The following DCC variants were observed in gnomAD, a reference collection of about 807,000 sequenced individuals.
The protein encoded by DCC is DCC netrin 1 receptor, also known as netrin receptor DCC.
A neutral mutation model predicts 172.5 loss-of-function variants in DCC; 58 were observed. That is an observed-to-expected ratio of 0.34 (90% CI 0.27 to 0.42). The LOEUF (loss-of-function observed/expected upper bound fraction) is 0.42, where lower values mean the gene tolerates loss of function less well. Ranked by LOEUF, DCC falls within the 10% of genes least tolerant of loss-of-function variation. The probability of loss-of-function intolerance (pLI) is 1.00; values close to 1 mark genes in which losing one functional copy is unlikely to be tolerated. For missense variants in DCC, 1,740 were observed against 1,791.0 expected, an observed-to-expected ratio of 0.97 and a Z score of 0.51; for synonymous variants, 709 against 644.5, an observed-to-expected ratio of 1.10 and a Z score of -1.52.
rs1319541984 is a variant in DCC, at chr18:52,927,108, C to T, written c.985+1738C>T. ...ATACACGTATATACGTGTATATACA[C>T]GTATATACGTGTATATACACGTATA... On this transcript the variant is annotated intron_variant, in intron 5 of 28. Transcript: ENST00000442544. 1.2e-4 allele frequency among the ~76,000 whole-genome samples: 13 copies of T among 104,882 alleles called. 5 individuals carry two copies. Among genetic ancestry groups the T allele is most frequent in the South Asian group, 6.7e-4 (2 of 2,996 alleles). 68.8% of individuals were successfully genotyped at this position (104,882 alleles called of 152,430 possible).
intron 12 of DCC, among the ~76,000 whole-genome samples, chr18:53,256,577 GT>G (rs2056519587): frequency 6.6e-6 from 1 of 152,076 alleles, no homozygotes; most frequent in Non-Finnish European, 1.5e-5. Flanking sequence ...CTATATCTCT[GT>G]TTTGGTACCA....
chr18:53,339,681 A>G (rs1466122333), intron 14 of DCC, 32 bp from the exon 15 acceptor site: 2 of 1,559,130 alleles, frequency 1.3e-6, no homozygotes, highest in Non-Finnish European at 1.8e-6. Context: ...CTGTTATGAG[A>G]CATGCTGATG....
intron 3 of DCC, among the ~76,000 whole-genome samples, chr18:52,922,419 C>G (rs2040140639): frequency 6.6e-6 from 1 of 152,110 alleles, no homozygotes; most frequent in South Asian, 2.1e-4. Context: ...ACTTTATATT[C>G]TCTTTGACCA....
chr18:53,084,668 A>G (rs1480044512), intron 7 of DCC, among the ~76,000 whole-genome samples: 5 of 152,184 alleles, frequency 3.3e-5, no homozygotes, highest in Non-Finnish European at 1.5e-5. Context: ...TAAGTAGGAA[A>G]AGGCAAGGAG....
chr18:53,194,907 A>C (rs2055421546), intron 9 of DCC, among the ~76,000 whole-genome samples: 1 of 152,252 alleles, frequency 6.6e-6, no homozygotes, highest in Admixed American at 6.5e-5. Flanking sequence ...ACAGTTAAGA[A>C]GATTAAATAC....
chr18:53,363,529 G>A (rs764829902), intron 15 of DCC, among the ~76,000 whole-genome samples: 2 of 152,058 alleles, frequency 1.3e-5, no homozygotes, highest in African/African-American at 2.4e-5. Context: ...TGGGAGCTGC[G>A]TTCTTTTATA....
At chr18:53,149,490 TA>T (rs2043967306) in intron 7 of DCC, among the ~76,000 whole-genome samples, 1 of 152,206 alleles carries the variant, frequency 6.6e-6, no homozygotes, top group Non-Finnish European at 1.5e-5. Flanking sequence ...TGCAGTTCGC[TA>T]GTCAAATCTA....
intron 1 of DCC, among the ~76,000 whole-genome samples, chr18:52,412,496 G>T (rs1412817123): frequency 6.6e-6 from 1 of 151,922 alleles, no homozygotes; most frequent in Non-Finnish European, 1.5e-5. Flanking sequence ...ATTTATATAG[G>T]CATGTATTTA....
At position 52,378,385 on chromosome 18, in the gene DCC, C is replaced by T. The variant is rs116625257; in HGVS notation, c.91+37507C>T. ...TAATGTCATAACTTAAGCATCCTTA[C>T]ATTGTAATCCAACGAGCCTTTGTTT... is the stretch of plus-strand genomic sequence containing the variant. On this transcript the variant is annotated intron_variant, in intron 1 of 28. Coordinates refer to ENST00000442544, the MANE Select transcript of DCC (RefSeq NM_005215.4). Among the ~76,000 whole-genome samples the T allele has an allele frequency of 7.9e-3, 1,201 of 152,008 alleles. 20 individuals carry two copies. Among genetic ancestry groups the T allele is most frequent in the African/African-American group, 0.028 (1,146 of 41,484 alleles).
At chr18:53,111,978 T>C (rs941980754) in intron 7 of DCC, among the ~76,000 whole-genome samples, 1 of 151,562 alleles carries the variant, frequency 6.6e-6, no homozygotes, top group African/African-American at 2.4e-5. Flanking sequence ...AAAACACCCA[T>C]TTCATCGTGG....
chr18:52,499,529 G>T (rs529367287), intron 1 of DCC, among the ~76,000 whole-genome samples: 11 of 152,170 alleles, frequency 7.2e-5, no homozygotes, highest in Non-Finnish European at 1.5e-4. Context: ...TCTTCTGATG[G>T]AGTGTCCTTT....
chr18:52,758,705 A>G (rs2037113968), intron 2 of DCC: 1 of 152,116 alleles, frequency 6.6e-6, no homozygotes, highest in African/African-American at 2.4e-5. Flanking sequence ...GAGAAGGAAG[A>G]ATAAACCACA....
In DCC at chr18:52,369,974, G is replaced by T. The variant is rs142868870; in HGVS notation, c.91+29096G>T. 3.7e-3 allele frequency among the ~76,000 whole-genome samples: 556 copies of T among 152,188 alleles called. 1 individual carries two copies. Among genetic ancestry groups the T allele is most frequent in the African/African-American group, 0.013 (530 of 41,522 alleles). ...AACATACAGAGCTAATTGCAGAAAA[G>T]AAAATACTTCCAAAATATGAAAATT... On this transcript the variant is annotated intron_variant, in intron 1 of 28. Coordinates refer to ENST00000442544, the MANE Select transcript of DCC (RefSeq NM_005215.4).
intron 15 of DCC, among the ~76,000 whole-genome samples, chr18:53,361,828 AT>A (rs35337117): frequency 0.48 from 73,613 of 151,874 alleles, 18,469 homozygotes; most frequent in Non-Finnish European, 0.55. Context: ...GAAATTATGT[AT>A]TTTTTTTAAA....
intron 1 of DCC, among the ~76,000 whole-genome samples, chr18:52,474,246 GA>G (rs1989032109): frequency 7.1e-6 from 1 of 139,870 alleles, no homozygotes; most frequent in South Asian, 2.3e-4. Context: ...GAGAGAGAAA[GA>G]GAGAGAAGCA....
intron 5 of DCC, among the ~76,000 whole-genome samples, chr18:52,967,964 AC>A (rs756909805): frequency 2.3e-4 from 35 of 152,180 alleles, no homozygotes; most frequent in Non-Finnish European, 4.1e-4. Context: ...TAAAATACAC[AC>A]ATTTTACTTT....
At chr18:52,493,533 A>G (rs1016765124) in intron 1 of DCC, among the ~76,000 whole-genome samples, 1 of 152,104 alleles carries the variant, frequency 6.6e-6, no homozygotes, top group Non-Finnish European at 1.5e-5. Context: ...ATCATTTTCA[A>G]TCCTCAAAAT....
intron 7 of DCC, among the ~76,000 whole-genome samples, chr18:53,143,561 C>G (rs2043862546): frequency 6.6e-6 from 1 of 152,174 alleles, no homozygotes; most frequent in Non-Finnish European, 1.5e-5. Flanking sequence ...GTCTTATTTT[C>G]TAGTCATCCC....
intron 5 of DCC, among the ~76,000 whole-genome samples, chr18:52,928,694 C>T (rs1368463167): frequency 1.3e-5 from 2 of 152,118 alleles, no homozygotes; most frequent in African/African-American, 2.4e-5. Context: ...GTAGGTCGAG[C>T]CCATTAGATA....
Sources: allele counts gnomAD v4.1 joint callset (sites outside exome capture counted in the v4.1 genomes callset), GRCh38; gene constraint gnomAD v4.1.1; transcripts MANE v1.5; gene names NCBI Gene and HGNC (gene_info 2026-07-23, HGNC 2026-07-21).